Variants in KHDRBS2 observed in about 807,000 individuals in gnomAD.
KHDRBS2 encodes KH domain-containing, RNA-binding, signal transduction-associated protein 2.
KHDRBS2 carries 26 observed loss-of-function variants against 44.3 expected under a neutral mutation model. That is an observed-to-expected ratio of 0.59 (90% confidence interval 0.43 to 0.81). The LOEUF (loss-of-function observed/expected upper bound fraction) is 0.81. Ranked by LOEUF, KHDRBS2 falls within the 40% of genes least tolerant of loss-of-function variation. The pLI, the probability that KHDRBS2 is intolerant of heterozygous loss-of-function variation, is 0.00. For synonymous variants in KHDRBS2, 194 were observed against 151.1 expected, an observed-to-expected ratio of 1.28 and a Z score of -2.08; for missense variants, 476 against 433.1, an observed-to-expected ratio of 1.10 and a Z score of -0.88.
intron 4 of KHDRBS2, among the ~76,000 whole-genome samples, chr6:61,977,230 T>C (rs1324167647): frequency 1.3e-5 from 2 of 152,116 alleles, no homozygotes; most frequent in African/African-American, 4.8e-5. Flanking sequence ...GTGTGCTTTC[T>C]CTGTTGAAGA....
chr6:61,892,955 G>C (rs1028682541), intron 6 of KHDRBS2, among the ~76,000 whole-genome samples: 1 of 151,976 alleles, frequency 6.6e-6, no homozygotes, highest in African/African-American at 2.4e-5. Flanking sequence ...TACCATCAGA[G>C]TGAACAGGCA....
chr6:61,992,403 G>A (rs1776300758), intron 3 of KHDRBS2, among the ~76,000 whole-genome samples: 1 of 152,042 alleles, frequency 6.6e-6, no homozygotes, highest in South Asian at 2.1e-4. Flanking sequence ...GGTTCAGATT[G>A]AATATATTTA....
At chr6:62,171,313 G>C (rs1819953461) in intron 2 of KHDRBS2, among the ~76,000 whole-genome samples, 1 of 151,794 alleles carries the variant, frequency 6.6e-6, no homozygotes, top group Non-Finnish European at 1.5e-5. Flanking sequence ...CAACAGAATA[G>C]ACCAAGCTGA....
At chr6:62,036,056 A>T (rs1296852652) in intron 3 of KHDRBS2, among the ~76,000 whole-genome samples, 2 of 152,012 alleles carry the variant, frequency 1.3e-5, no homozygotes, top group Non-Finnish European at 2.9e-5. Context: ...AGAAGAGCCC[A>T]TGTTGCTCCA....
chr6:62,216,528 T>G (rs1053581788), intron 1 of KHDRBS2, among the ~76,000 whole-genome samples: 1 of 151,548 alleles, frequency 6.6e-6, no homozygotes, highest in Non-Finnish European at 1.5e-5. Flanking sequence ...ACATCATCAG[T>G]ATTTAATATA....
chr6:61,835,624 G>A (rs1349843424), intron 6 of KHDRBS2, among the ~76,000 whole-genome samples: 1 of 151,742 alleles, frequency 6.6e-6, no homozygotes, highest in Non-Finnish European at 1.5e-5. Context: ...TTTTGCTTAT[G>A]GCCTTACAAT....
chr6:61,708,037 A>T (rs1382904850), intron 7 of KHDRBS2, among the ~76,000 whole-genome samples: 2 of 151,688 alleles, frequency 1.3e-5, no homozygotes, highest in African/African-American at 4.8e-5. Flanking sequence ...TATTTTAGAC[A>T]GTTAATTTTT....
At position 61,923,028 on chromosome 6, in the gene KHDRBS2, T is replaced by A. The variant is rs186012770; in HGVS notation, c.484-21657A>T. On this transcript the variant is annotated intron_variant, in intron 4 of 8. Coordinates refer to ENST00000281156, the MANE Select transcript of KHDRBS2 (RefSeq NM_152688.4). ...GCTGTCAAAGACATTAAAACAGTTA[T>A]GATAAAATGTATTTCACATAATGAA... Among the ~76,000 whole-genome samples, 2 of 152,098 alleles carry A rather than the reference T, an allele frequency of 1.3e-5. 1 individual carries two copies. Among genetic ancestry groups the A allele is most frequent in the South Asian group, 4.1e-4 (2 of 4,838 alleles).
chr6:61,786,026 TTC>T (rs1324783012), intron 6 of KHDRBS2, among the ~76,000 whole-genome samples: 7 of 151,916 alleles, frequency 4.6e-5, no homozygotes, highest in Non-Finnish European at 7.4e-5. Flanking sequence ...GTCTTTCTCA[TTC>T]TCTCTCTTTC....
At chr6:61,662,158 T>G in the KHDRBS2 span, among the ~76,000 whole-genome samples, 1 of 152,118 alleles carries the variant, frequency 6.6e-6, no homozygotes, top group Non-Finnish European at 1.5e-5. Flanking sequence ...AAGGATTCCC[T>G]ATTTAATAAA....
At position 62,019,116 on chromosome 6, in the gene KHDRBS2, C is replaced by A. The variant is rs115617135; in HGVS notation, c.336+28762G>T. 4.3e-3 allele frequency among the ~76,000 whole-genome samples: 657 copies of A among 152,084 alleles called. 2 individuals are homozygous for A. Among genetic ancestry groups the A allele is most frequent in the Non-Finnish European group, 7.5e-3 (508 of 67,912 alleles). On this transcript the variant is annotated intron_variant, in intron 3 of 8. Transcript: ENST00000281156. ...ACTGATCTGGAATAGCATCTATTTT[C>A]ATTTAATAACTCTGATGTTTCTGGT...
chr6:61,567,917 T>C, the KHDRBS2 span, among the ~76,000 whole-genome samples: 36 of 152,250 alleles, frequency 2.4e-4, no homozygotes, highest in Admixed American at 2.4e-3. Flanking sequence ...ATTCAAATTT[T>C]TTTATCTATT....
Position 61,937,662 on chromosome 6 carries a change from C to T in KHDRBS2, c.484-36291G>A, listed in dbSNP as rs144824005. Among the ~76,000 whole-genome samples, 385 of 152,104 alleles carry T rather than the reference C, an allele frequency of 2.5e-3. 3 individuals carry two copies. In the Middle Eastern group the frequency reaches 0.058, roughly 23 times the overall value. ...ATTTGACTCTGTACTTACAGCCTTG[C>T]GCCAGCAGGCTGAAGTTTTTCATTA... On this transcript the variant is annotated intron_variant, in intron 4 of 8. Coordinates refer to ENST00000281156, the MANE Select transcript of KHDRBS2 (RefSeq NM_152688.4).
intron 4 of KHDRBS2, among the ~76,000 whole-genome samples, chr6:61,911,778 T>C (rs972480425): frequency 1.3e-5 from 2 of 152,110 alleles, no homozygotes; most frequent in African/African-American, 4.8e-5. Flanking sequence ...TCATAGCAAC[T>C]TTCTTGAAGC....
At chr6:61,574,782 G>A in the KHDRBS2 span, among the ~76,000 whole-genome samples, 1 of 152,136 alleles carries the variant, frequency 6.6e-6, no homozygotes, top group African/African-American at 2.4e-5. Context: ...GGTGGCGGGG[G>A]CCCGTAATCC....
chr6:61,576,617 C>A, the KHDRBS2 span, among the ~76,000 whole-genome samples: 1 of 152,094 alleles, frequency 6.6e-6, no homozygotes, highest in Non-Finnish European at 1.5e-5. Context: ...ATAATTAACA[C>A]ATTTATTCAA....
chr6:61,719,487 C>A (rs920224784), intron 7 of KHDRBS2, among the ~76,000 whole-genome samples: 10 of 151,700 alleles, frequency 6.6e-5, no homozygotes, highest in African/African-American at 2.4e-4. Context: ...GTTATCAGAA[C>A]ATGAACAGAA....
At chr6:62,137,939 C>T (rs1230681875) in intron 2 of KHDRBS2, among the ~76,000 whole-genome samples, 1 of 152,144 alleles carries the variant, frequency 6.6e-6, no homozygotes, top group Non-Finnish European at 1.5e-5. Context: ...GATATCACAT[C>T]AAAATTTCAC....
intron 2 of KHDRBS2, among the ~76,000 whole-genome samples, chr6:62,056,527 G>A (rs1378160702): frequency 1.3e-5 from 2 of 151,820 alleles, no homozygotes; most frequent in Non-Finnish European, 1.5e-5. Flanking sequence ...TTAGACTTTG[G>A]TTTAACTTAT....
Sources: allele counts gnomAD v4.1 joint callset (sites outside exome capture counted in the v4.1 genomes callset), GRCh38; gene constraint gnomAD v4.1.1; transcripts MANE v1.5; gene names NCBI Gene and HGNC (gene_info 2026-07-23, HGNC 2026-07-21).